STK32C: variants seen among roughly 807,000 people sequenced by gnomAD.
STK32C encodes the protein serine/threonine kinase 32C, also known as serine/threonine-protein kinase 32C.
Under a neutral mutation model 56.5 loss-of-function variants are expected in STK32C, and 31 were observed. That is an observed-to-expected ratio of 0.55 (90% CI 0.41 to 0.74). STK32C has a LOEUF of 0.74. STK32C is among the 30% of genes least tolerant of loss of function. STK32C has a pLI of 0.00. For synonymous variants in STK32C, 309 were observed against 289.4 expected (o/e 1.07, Z -0.69); for missense variants, 544 against 676.9 (o/e 0.80, Z 2.18).
In STK32C at chr10:132,226,812, G is replaced by C; in HGVS notation, c.627C>G (p.Gly209=). 6.2e-7 allele frequency: 1 copy of C among 1,612,954 alleles called. No individual in the cohort carries two copies. Among genetic ancestry groups the C allele is most frequent in the Non-Finnish European group, 8.5e-7 (1 of 1,180,006 alleles). Residue 209 remains glycine, a synonymous_variant, in exon 4 of 12, where the codon GGC becomes GGG. Coordinates refer to ENST00000298630, the MANE Select transcript of STK32C (RefSeq NM_173575.4). The stretch of plus-strand genomic sequence containing the variant: ...GCACACACCTGTGGATGATGTGCTG[G>C]CCGCGCAGGTAGTCCAGAGCCAGTG... ...EMALALDYLR[G]QHIIHRDVKP...
At chr10:132,211,936 G>C (rs577971234) in intron 10 of STK32C, among the ~76,000 whole-genome samples, 1 of 152,126 alleles carries the variant, frequency 6.6e-6, no homozygotes, top group African/African-American at 2.4e-5. Flanking sequence ...TGAGTAACTG[G>C]ACCAGGAATC....
intron 1 of STK32C, among the ~76,000 whole-genome samples, chr10:132,292,460 A>T (rs906294280): frequency 6.6e-6 from 1 of 152,240 alleles, no homozygotes; most frequent in Non-Finnish European, 1.5e-5. Context: ...ACACTCATAC[A>T]CACGTAAACA....
intron 1 of STK32C, among the ~76,000 whole-genome samples, chr10:132,288,069 A>C (rs750573867): frequency 9.1e-4 from 137 of 151,198 alleles, no homozygotes; most frequent in Non-Finnish European, 1.3e-3. Context: ...CCCCCAGCCC[A>C]AAAAAAAAGG....
At chr10:132,273,684 GATGA>G (rs2064904986) in intron 1 of STK32C, among the ~76,000 whole-genome samples, 2 of 152,212 alleles carry the variant, frequency 1.3e-5, no homozygotes, top group Admixed American at 1.3e-4. Context: ...GAGTAAATGA[GATGA>G]ATGAGTAAAT....
chr10:132,298,158 G>A (rs923309419), intron 1 of STK32C, among the ~76,000 whole-genome samples: 23 of 152,200 alleles, frequency 1.5e-4, no homozygotes, highest in African/African-American at 5.1e-4. Flanking sequence ...CAAACAGCCC[G>A]GCCGACCCGC....
chr10:132,291,176 G>A lies in STK32C; in HGVS notation c.262+16396C>T, dbSNP rs185812474. Among the ~76,000 whole-genome samples the A allele has an allele frequency of 3.4e-3, 523 of 152,328 alleles. 4 individuals are homozygous for A. The highest frequency in any genetic ancestry group is 0.012 in the African/African-American group (508 of 41,564). On this transcript the variant is annotated intron_variant, in intron 1 of 11. Coordinates refer to ENST00000298630, the MANE Select transcript of STK32C (RefSeq NM_173575.4). Reference sequence around the variant, plus strand: ...TTCTGAACCTTCCAATTAGCTCGGCGGTGGCTGAGCTGGCTTGCGCTCTCT... The same window carrying A: ...TTCTGAACCTTCCAATTAGCTCGGCAGTGGCTGAGCTGGCTTGCGCTCTCT...
At chr10:132,281,577 T>C (rs1276716993) in intron 1 of STK32C, among the ~76,000 whole-genome samples, 1 of 152,074 alleles carries the variant, frequency 6.6e-6, no homozygotes, top group Non-Finnish European at 1.5e-5. Context: ...GCCCAAAGAG[T>C]ATGTTCATGA....
intron 10 of STK32C, among the ~76,000 whole-genome samples, chr10:132,218,800 G>A (rs2062545993): frequency 6.6e-6 from 1 of 152,162 alleles, no homozygotes; most frequent in Non-Finnish European, 1.5e-5. Flanking sequence ...CAAGTGGAAA[G>A]AACAAATACT....
chr10:132,330,748 G>C (rs2066665452), intron 1 of STK32C, among the ~76,000 whole-genome samples: 1 of 147,698 alleles, frequency 6.8e-6, no homozygotes, highest in Admixed American at 6.8e-5. Flanking sequence ...GGCCTCAAGC[G>C]ATCTTCCCAC....
chr10:132,306,420 G>A (rs2066062908), intron 1 of STK32C, among the ~76,000 whole-genome samples: 1 of 152,258 alleles, frequency 6.6e-6, no homozygotes, highest in South Asian at 2.1e-4. Flanking sequence ...ACAGTGACGG[G>A]CCACCCTGGA....
At chr10:132,212,403 T>C (rs2062336553) in intron 10 of STK32C, among the ~76,000 whole-genome samples, 2 of 152,200 alleles carry the variant, frequency 1.3e-5, no homozygotes, top group Non-Finnish European at 2.9e-5. Context: ...CACCTGACAT[T>C]GTTCATAAAA....
At chr10:132,280,632 G>T in intron 1 of STK32C, among the ~76,000 whole-genome samples, 1 of 148,370 alleles carries the variant, frequency 6.7e-6, no homozygotes, top group African/African-American at 2.5e-5. Flanking sequence ...TGCACTCCGT[G>T]ATCACGACAC....
At chr10:132,228,277 C>T (rs1293725768) in intron 2 of STK32C, 149 bp from the exon 3 acceptor site, 10 of 898,756 alleles carry the variant, frequency 1.1e-5, no homozygotes, top group East Asian at 7.5e-5. Flanking sequence ...GCCTCCTAGA[C>T]GCGGCAGGTG....
At chr10:132,234,748 T>C (rs1417714420) in intron 2 of STK32C, among the ~76,000 whole-genome samples, 2 of 152,178 alleles carry the variant, frequency 1.3e-5, no homozygotes, top group Non-Finnish European at 2.9e-5. Flanking sequence ...GTGGCTCTCA[T>C]GAGCTGCTGG....
chr10:132,311,654 G>T (rs2066224773), upstream of STK32C, among the ~76,000 whole-genome samples: 2 of 152,206 alleles, frequency 1.3e-5, no homozygotes, highest in Non-Finnish European at 2.9e-5. This position sits in a 1 kb window ranked among gnomAD's most constrained non-coding sequence, Gnocchi z 4.4. Context: ...CCGAGCATGA[G>T]TTCACCGCTC....
intron 1 of STK32C, among the ~76,000 whole-genome samples, chr10:132,259,627 GC>G (rs2064239520): frequency 6.6e-6 from 1 of 152,152 alleles, no homozygotes; most frequent in Non-Finnish European, 1.5e-5. Flanking sequence ...CCTCCCCTTG[GC>G]CTTCCACCAT....
intron 1 of STK32C, among the ~76,000 whole-genome samples, chr10:132,268,224 C>CGT (rs59819169): frequency 0.011 from 959 of 87,074 alleles, 53 homozygotes; most frequent in African/African-American, 0.038. Flanking sequence ...TGTCCCACAT[C>CGT]GTGTGTGTGT....
intron 1 of STK32C, among the ~76,000 whole-genome samples, chr10:132,265,632 A>T (rs1295793739): frequency 6.6e-6 from 1 of 152,222 alleles, no homozygotes; most frequent in African/African-American, 2.4e-5. Flanking sequence ...GCTCTGGGTC[A>T]GGATTCAGCC....
chr10:132,255,371 G>A lies in STK32C; in HGVS notation c.263-9416C>T, dbSNP rs938848553. On this transcript the variant is annotated intron_variant, in intron 1 of 11. Coordinates refer to ENST00000298630, the MANE Select transcript of STK32C (RefSeq NM_173575.4). This position sits in a 1 kb window ranked among gnomAD's most constrained non-coding sequence, Gnocchi z 4.6. ...TCCCACTCCTCAGGTGCCCTGGCCCGCTAGGTCAACAGGAACCACAGGAGT... is the reference window on the plus strand; with the variant it reads ...TCCCACTCCTCAGGTGCCCTGGCCCACTAGGTCAACAGGAACCACAGGAGT... Among the ~76,000 whole-genome samples the A allele has an allele frequency of 9.2e-5, 14 of 152,114 alleles. No individual in the cohort carries two copies. Among genetic ancestry groups the A allele is most frequent in the African/African-American group, 2.4e-4 (10 of 41,418 alleles).
Sources: allele counts gnomAD v4.1 joint callset (sites outside exome capture counted in the v4.1 genomes callset), GRCh38; gene constraint gnomAD v4.1.1; non-coding constraint Gnocchi (gnomAD v3.1); transcripts MANE v1.5; gene names NCBI Gene and HGNC (gene_info 2026-07-23, HGNC 2026-07-21).